PDE9A: variants seen among roughly 807,000 people sequenced by gnomAD.
PDE9A encodes the protein high affinity cGMP-specific 3',5'-cyclic phosphodiesterase 9A.
In PDE9A, 60 loss-of-function variants were observed where a neutral mutation model predicts 87.4. The observed-to-expected ratio is 0.69, with a 90% confidence interval of 0.56 to 0.85. The LOEUF (loss-of-function observed/expected upper bound fraction) is 0.85. PDE9A is among the 40% of genes least tolerant of loss of function. The probability of loss-of-function intolerance (pLI) is 0.00; values close to 1 mark genes in which losing one functional copy is unlikely to be tolerated. For missense variants in PDE9A, 665 were observed against 779.0 expected, an observed-to-expected ratio of 0.85 and a Z score of 1.74; for synonymous variants, 272 against 279.4, an observed-to-expected ratio of 0.97 and a Z score of 0.27.
rs1351752932 is a variant in PDE9A, at chr21:42,760,007, C to G, written c.898-321C>G. 1.3e-5 allele frequency among the ~76,000 whole-genome samples: 2 copies of G among 152,052 alleles called. No homozygotes were observed. Among genetic ancestry groups the G allele is most frequent in the African/African-American group, 2.4e-5 (1 of 41,370 alleles). On this transcript the variant is annotated intron_variant, in intron 11 of 19. Transcript: ENST00000291539. This position sits in a 1 kb window ranked among gnomAD's most constrained non-coding sequence, Gnocchi z 5.2. ...CTCCCTCTTGGAGTCTCCCCTCCCC[C>G]CATCCCCTAACTTTATGCCCCACTG...
intron 4 of PDE9A, among the ~76,000 whole-genome samples, chr21:42,708,434 C>G (rs1297239555): frequency 6.6e-6 from 1 of 152,204 alleles, no homozygotes; most frequent in African/African-American, 2.4e-5. Flanking sequence ...TAGGACTGCC[C>G]TCCCTGCTCC....
At chr21:42,674,363 TG>T (rs2058726670) in intron 1 of PDE9A, among the ~76,000 whole-genome samples, 1 of 147,166 alleles carries the variant, frequency 6.8e-6, no homozygotes, top group African/African-American at 2.6e-5. Flanking sequence ...TGGCCCAGGC[TG>T]GGGTACAGTG....
At position 42,715,639 on chromosome 21, in the gene PDE9A, C is replaced by T. The variant is rs371269657; in HGVS notation, c.263-16131C>T. On this transcript the variant is annotated intron_variant, in intron 4 of 19. Coordinates refer to ENST00000291539, the MANE Select transcript of PDE9A (RefSeq NM_002606.3). ...CTCCAGACAAAAGAAAAAAAAAAGA[C>T]TGTACATTGGTTACAATCAGTGAAC... Among the ~76,000 whole-genome samples, 104 of 151,746 alleles carry T rather than the reference C, an allele frequency of 6.9e-4. 4 individuals carry two copies. In the South Asian group the frequency reaches 0.022, roughly 32 times the overall value.
intron 3 of PDE9A, among the ~76,000 whole-genome samples, chr21:42,691,121 CCT>C (rs2059807345): frequency 6.6e-6 from 1 of 151,840 alleles, no homozygotes; most frequent in Admixed American, 6.6e-5. Context: ...GTCACCCAGA[CCT>C]ATCACCATCA....
At chr21:42,746,396 C>A (rs527285170) in intron 8 of PDE9A, among the ~76,000 whole-genome samples, 1 of 152,352 alleles carries the variant, frequency 6.6e-6, no homozygotes, top group African/African-American at 2.4e-5. Context: ...GCCCTGCCAC[C>A]TCTGAAGGCC....
intron 18 of PDE9A, among the ~76,000 whole-genome samples, chr21:42,771,975 G>A (rs1052829852): frequency 3.9e-5 from 6 of 152,232 alleles, no homozygotes; most frequent in Non-Finnish European, 8.8e-5. Context: ...CAAGAGAGCT[G>A]AAGGGGCTTC....
intron 1 of PDE9A, among the ~76,000 whole-genome samples, chr21:42,669,976 A>G (rs2058298165): frequency 6.6e-6 from 1 of 152,092 alleles, no homozygotes; most frequent in Non-Finnish European, 1.5e-5. Flanking sequence ...TGCTTTAAGG[A>G]TCCAAGATAA....
intron 4 of PDE9A, among the ~76,000 whole-genome samples, chr21:42,720,614 C>T (rs891929517): frequency 1.3e-5 from 2 of 152,220 alleles, no homozygotes; most frequent in Non-Finnish European, 2.9e-5. Context: ...CCCGTCTTTG[C>T]AGCTCTAAAT....
chr21:42,716,060 C>A (rs900833575), intron 4 of PDE9A, among the ~76,000 whole-genome samples: 15 of 151,800 alleles, frequency 9.9e-5, no homozygotes, highest in Non-Finnish European at 1.9e-4. Context: ...TCTTTTATGC[C>A]TTTTCCCGGC....
At chr21:42,754,188 A>C (rs1170766976) in intron 10 of PDE9A, 124 bp downstream of exon 10, 1 of 607,366 alleles carries the variant, frequency 1.6e-6, no homozygotes, top group African/African-American at 1.9e-5. Flanking sequence ...TAAAGACTGA[A>C]AAAAAAAAAC....
chr21:42,673,045 G>A (rs775220364), intron 1 of PDE9A, among the ~76,000 whole-genome samples: 7 of 152,180 alleles, frequency 4.6e-5, no homozygotes, highest in African/African-American at 7.2e-5. Context: ...TGTAATCACG[G>A]CTGCCACTCA....
At chr21:42,703,417 C>T (rs1417404599) in intron 4 of PDE9A, among the ~76,000 whole-genome samples, 1 of 152,168 alleles carries the variant, frequency 6.6e-6, no homozygotes, top group Non-Finnish European at 1.5e-5. Flanking sequence ...AGGACACCAT[C>T]GGGAGCAGAG....
chr21:42,747,588 G>A (rs183811249), intron 8 of PDE9A, among the ~76,000 whole-genome samples: 28 of 152,366 alleles, frequency 1.8e-4, no homozygotes, highest in East Asian at 5.8e-4. Flanking sequence ...GCAGGTGGCC[G>A]TCCCCTGACA....
At chr21:42,771,043 G>A (rs959886922) in intron 18 of PDE9A, among the ~76,000 whole-genome samples, 3 of 152,256 alleles carry the variant, frequency 2.0e-5, no homozygotes, top group African/African-American at 4.8e-5. Flanking sequence ...TTTACTGGCC[G>A]TGCCCTTCAC....
At chr21:42,686,411 C>G (rs2059477671) in intron 2 of PDE9A, 149 bp downstream of exon 2, 20 of 637,252 alleles carry the variant, frequency 3.1e-5, no homozygotes, top group Non-Finnish European at 5.5e-5. Context: ...TGCGCAGAAT[C>G]CCGAGGGAGG....
At position 42,732,086 on chromosome 21, in the gene PDE9A, C is replaced by CCAGAGCGTGCTGGCG. The variant is rs1369040014; in HGVS notation, c.463_477dup (p.Ser155_Gln159dup). The CCAGAGCGTGCTGGCG allele has an allele frequency of 1.9e-6, 3 of 1,614,220 alleles. No individual in the cohort carries two copies. The East Asian group carries it at 6.7e-5, about 36-fold the overall frequency. On this transcript the variant is annotated inframe_insertion, in exon 6 of 20. Coordinates refer to ENST00000291539, the MANE Select transcript of PDE9A (RefSeq NM_002606.3). Reference sequence around the variant, plus strand: ...GGTTTGTAGAGAGAGAAGAATTAATCCAGAGCGTGCTGGCGCAGGTTGCAG... The same window carrying CCAGAGCGTGCTGGCG: ...GGTTTGTAGAGAGAGAAGAATTAATCCAGAGCGTGCTGGCGCAGAGCGTGCTGGCGCAGGTTGCAG...
chr21:42,682,032 G>A (rs553177229), intron 1 of PDE9A, among the ~76,000 whole-genome samples: 1 of 152,334 alleles, frequency 6.6e-6, no homozygotes, highest in South Asian at 2.1e-4. Flanking sequence ...GAGCGCGGCT[G>A]TCCAAGCCCC....
At chr21:42,750,065 G>A (rs2054262311) in intron 8 of PDE9A, among the ~76,000 whole-genome samples, 3 of 152,202 alleles carry the variant, frequency 2.0e-5, no homozygotes, top group African/African-American at 7.2e-5. Context: ...TTAAACCCAG[G>A]AGGCAGAGGT....
At chr21:42,690,608 C>A (rs762694317) in intron 3 of PDE9A, among the ~76,000 whole-genome samples, 50 of 151,934 alleles carry the variant, frequency 3.3e-4, no homozygotes, top group Non-Finnish European at 6.0e-4. Flanking sequence ...CCTCCTGCAC[C>A]CCCGTCTCCT....
Sources: gnomAD v4.1 joint callset for allele counts (sites outside exome capture counted in the v4.1 genomes callset) on GRCh38, gnomAD v4.1.1 for gene constraint, Gnocchi (gnomAD v3.1) non-coding constraint, MANE v1.5 for transcripts, NCBI Gene and HGNC (gene_info 2026-07-23, HGNC 2026-07-21) for gene names.